Variants in H6PD observed in about 807,000 individuals in gnomAD.
The protein encoded by H6PD is GDH/6PGL endoplasmic bifunctional protein.
H6PD carries 48 observed loss-of-function variants against 61.2 expected under a neutral mutation model. The ratio of observed to expected loss-of-function variants is 0.78; its 90% confidence interval spans 0.62 to 1.00. The LOEUF is 1.00. Ranked by LOEUF, H6PD falls within the 50% of genes least tolerant of loss-of-function variation. H6PD has a pLI of 0.00. For synonymous variants in H6PD, 480 were observed against 457.9 expected (o/e 1.05, Z -0.62); for missense variants, 1,093 against 1,065.0 (o/e 1.03, Z -0.37).
chr1:9,264,097 G>A lies in H6PD; in HGVS notation c.1604G>A (p.Gly535Glu), dbSNP rs1422512618. ...CCGGAGCAGCTGGTGCCAGGGCCAGGGCCGGCCCCAATGCCCAGTGACTTC... is the reference window on the plus strand; with the variant it reads ...CCGGAGCAGCTGGTGCCAGGGCCAGAGCCGGCCCCAATGCCCAGTGACTTC... ...QQPEQLVPGP[G>E]PAPMPSDFQV... Residue 535 changes from glycine to glutamate, a missense_variant, in exon 5 of 5, where the codon GGG (glycine) becomes GAG (glutamate). Gly to Glu is a moderately conservative substitution (Grantham distance 98). Coordinates refer to ENST00000377403, the MANE Select transcript of H6PD (RefSeq NM_004285.4). 3 of 1,613,956 alleles carry A rather than the reference G, an allele frequency of 1.9e-6. No homozygotes were observed. Among genetic ancestry groups the A allele is most frequent in the Middle Eastern group, 1.7e-4 (1 of 6,060 alleles).
At position 9,264,364 on chromosome 1, in the gene H6PD, T is replaced by C. The variant is rs771294762; in HGVS notation, c.1871T>C (p.Val624Ala). Residue 624 changes from valine to alanine, a missense_variant, in exon 5 of 5, where the codon GTC becomes GCC. Val to Ala is a moderately conservative substitution (Grantham distance 64, BLOSUM62 0). Coordinates refer to ENST00000377403, the MANE Select transcript of H6PD (RefSeq NM_004285.4). ...THLWLVDERC[V>A]PLSDPESNFQ... ...CTGTGGCTGGTTGACGAGCGCTGCG[T>C]CCCACTCTCAGACCCGGAGTCCAAC... 3.1e-6 allele frequency: 5 copies of C among 1,612,746 alleles called. No homozygotes were observed. The South Asian group carries it at 5.5e-5, about 18-fold the overall frequency.
At chr1:9,257,960 G>A (rs1641571585) in intron 3 of H6PD, among the ~76,000 whole-genome samples, 1 of 152,270 alleles carries the variant, frequency 6.6e-6, no homozygotes, top group Non-Finnish European at 1.5e-5. Context: ...GATAATCAGT[G>A]CTCACCGGGG....
At position 9,265,035 on chromosome 1, in the gene H6PD, G is replaced by A. The variant is rs1638509897; in HGVS notation, c.*166G>A. The stretch of plus-strand genomic sequence containing the variant: ...GGACAAGCCTTGTCCCGATGCCTTT[G>A]ACCGGCAGCTCTGTGTATTGGTGGA... On this transcript the variant is annotated 3_prime_UTR_variant, in exon 5 of 5. Coordinates refer to ENST00000377403, the MANE Select transcript of H6PD (RefSeq NM_004285.4). 9.7e-6 allele frequency: 7 copies of A among 725,330 alleles called. No homozygotes were observed. In the South Asian group the frequency reaches 1.1e-4, roughly 11 times the overall value. 44.9% of individuals were successfully genotyped at this position (725,330 alleles called of 1,614,324 possible). A position where few individuals can be genotyped will look rare whatever the true frequency, so the allele number is the denominator to read the frequency against.
At chr1:9,263,371 C>A in intron 4 of H6PD, 138 bp from the exon 5 acceptor site, 2 of 812,194 alleles carry the variant, frequency 2.5e-6, no homozygotes, top group Non-Finnish European at 4.3e-6. Context: ...AGATGCCAGG[C>A]GAGGGGTGAG....
chr1:9,235,168 C>T (rs1570068840), intron 1 of H6PD, 102 bp downstream of exon 1: 2 of 151,792 alleles, frequency 1.3e-5, no homozygotes, highest in East Asian at 3.9e-4. Context: ...GCCTGCGCTG[C>T]CAGCCCCACG....
rs1023795129 is a variant in H6PD, at chr1:9,264,933, T to C, written c.*64T>C. On this transcript the variant is annotated 3_prime_UTR_variant, in exon 5 of 5. Coordinates refer to ENST00000377403, the MANE Select transcript of H6PD (RefSeq NM_004285.4). ...TCCTTCGCCCGTGTCTTCCCTCCCT[T>C]CTCGGCCCCGCCACCTGCCCAGCGT... 35 of 1,573,398 alleles carry C rather than the reference T, an allele frequency of 2.2e-5. No homozygotes were observed. The highest frequency in any genetic ancestry group is 5.4e-5 in the African/African-American group (4 of 74,242).
At chr1:9,252,782 G>C (rs1641407479) in intron 3 of H6PD, among the ~76,000 whole-genome samples, 1 of 152,200 alleles carries the variant, frequency 6.6e-6, no homozygotes, top group African/African-American at 2.4e-5. Flanking sequence ...TCTCTGTTAT[G>C]AGTCTGAGCA....
At chr1:9,263,482 T>C in intron 4 of H6PD, 27 bp from the exon 5 acceptor site, 2 of 1,611,204 alleles carry the variant, frequency 1.2e-6, no homozygotes, top group Admixed American at 1.7e-5. Context: ...TGCCAGAGAG[T>C]CACCCTCTGC....
Position 9,264,870 on chromosome 1 carries a change from G to C in H6PD, c.*1G>C. 6.2e-7 allele frequency: 1 copy of C among 1,611,118 alleles called. No individual in the cohort carries two copies. Among genetic ancestry groups the C allele is most frequent in the Non-Finnish European group, 8.5e-7 (1 of 1,179,974 alleles). ...GGACTACGACGCCTTCCTGGGATGA[G>C]GGCGCCTGTGCCCCTTGCCCGCTTC... is the stretch of plus-strand genomic sequence containing the variant. On this transcript the variant is annotated 3_prime_UTR_variant, in exon 5 of 5. Transcript: ENST00000377403.
chr1:9,240,856 G>T (rs1268992700), intron 1 of H6PD, among the ~76,000 whole-genome samples: 1 of 152,180 alleles, frequency 6.6e-6, no homozygotes, highest in Non-Finnish European at 1.5e-5. Context: ...AAGCAGAGCC[G>T]TGCAGCATGA....
chr1:9,236,472 C>A (rs1275920976), intron 1 of H6PD, among the ~76,000 whole-genome samples: 2 of 152,326 alleles, frequency 1.3e-5, no homozygotes, highest in East Asian at 3.9e-4. Flanking sequence ...GCCTTGCCAA[C>A]ATGGTGAAAC....
intron 1 of H6PD, among the ~76,000 whole-genome samples, chr1:9,241,864 C>T (rs1178713380): frequency 2.0e-5 from 3 of 152,130 alleles, no homozygotes; most frequent in African/African-American, 4.8e-5. Context: ...CCAGTTTCCT[C>T]GTCTGTAGAA....
At chr1:9,262,350 G>A (rs1246018921) in intron 4 of H6PD, 22 bp downstream of exon 4, 1 of 1,587,238 alleles carries the variant, frequency 6.3e-7, no homozygotes, top group Non-Finnish European at 8.6e-7. Flanking sequence ...GGCTGGGCAT[G>A]GGGCACTGGG....
In H6PD at chr1:9,263,941, G is replaced by A; in HGVS notation, c.1448G>A (p.Trp483Ter). 1 of 1,614,188 alleles carries A rather than the reference G, an allele frequency of 6.2e-7. No homozygotes were observed. The highest frequency in any genetic ancestry group is 8.5e-7 in the Non-Finnish European group (1 of 1,180,016). ...FITTENLLAS[W>*]NFWTPLLESL... Reference sequence around the variant, plus strand: ...ACCACAGAGAACTTGCTGGCCTCCTGGAACTTCTGGACCCCTCTGCTGGAG... The same window carrying A: ...ACCACAGAGAACTTGCTGGCCTCCTAGAACTTCTGGACCCCTCTGCTGGAG... The change falls in exon 5 of 5, where the codon TGG becomes TAG. Residue 483 changes from tryptophan (W) to a stop codon, truncating the protein, a stop_gained. Transcript: ENST00000377403. LOFTEE classifies it high-confidence loss of function.
chr1:9,269,949 A>T lies in H6PD; in HGVS notation c.*5080A>T, dbSNP rs1004933471. On this transcript the variant is annotated 3_prime_UTR_variant, in exon 5 of 5. Transcript: ENST00000377403. This position sits in a 1 kb window ranked among gnomAD's most constrained non-coding sequence, Gnocchi z 4.3. The stretch of plus-strand genomic sequence containing the variant: ...GCAGCTTGTTGCTGAGCAAGGTGCA[A>T]CCGGGCTCATGCTGTCATCAGCACA... 6.6e-6 allele frequency: 1 copy of T among 152,562 alleles called. No individual in the cohort carries two copies. Among genetic ancestry groups the T allele is most frequent in the Non-Finnish European group, 1.5e-5 (1 of 68,052 alleles). 9.5% of individuals were successfully genotyped at this position (152,562 alleles called of 1,614,324 possible).
chr1:9,264,232 G>T lies in H6PD; in HGVS notation c.1739G>T (p.Arg580Leu). Residue 580 changes from arginine (R) to leucine (L), a missense_variant, in exon 5 of 5, where the codon CGG becomes CTG. Arg to Leu is a moderately radical substitution (Grantham distance 102). Transcript: ENST00000377403. ...DIEATAVRAV[R>L]RFGQFHLALS... is the part of the protein sequence containing the mutation. ...GAGGCCACCGCTGTGCGAGCCGTGC[G>T]GCGCTTTGGCCAGTTCCACCTGGCA... 2.5e-6 allele frequency: 4 copies of T among 1,610,454 alleles called. No individual in the cohort carries two copies. Among genetic ancestry groups the T allele is most frequent in the Non-Finnish European group, 3.4e-6 (4 of 1,179,202 alleles).
chr1:9,248,757 C>T (rs912493330), intron 3 of H6PD, among the ~76,000 whole-genome samples: 3 of 152,112 alleles, frequency 2.0e-5, no homozygotes, highest in African/African-American at 7.2e-5. Context: ...TTGCTGGGTT[C>T]GAGAAGGCAC....
chr1:9,235,883 A>C (rs1186133097), intron 1 of H6PD, among the ~76,000 whole-genome samples: 8 of 152,206 alleles, frequency 5.3e-5, no homozygotes, highest in African/African-American at 1.9e-4. Context: ...AAGTGTTGGG[A>C]TTACAGGTGT....
At chr1:9,242,740 C>T (rs1641035844) in intron 1 of H6PD, 1 of 985,366 alleles carries the variant, frequency 1.0e-6, no homozygotes, top group Non-Finnish European at 1.2e-6. Flanking sequence ...CGTCCAGAGC[C>T]CTGGCTACCA....
Sources: gnomAD v4.1 joint callset for allele counts (sites outside exome capture counted in the v4.1 genomes callset) on GRCh38, gnomAD v4.1.1 for gene constraint, Gnocchi (gnomAD v3.1) non-coding constraint, MANE v1.5 for transcripts, NCBI Gene and HGNC (gene_info 2026-07-23, HGNC 2026-07-21) for gene names.